SLC25A31: variants seen among roughly 807,000 people sequenced by gnomAD.
SLC25A31 encodes ADP/ATP translocase 4.
Under a neutral mutation model 36.2 loss-of-function variants are expected in SLC25A31, and 40 were observed. The ratio of observed to expected loss-of-function variants is 1.10; its 90% confidence interval spans 0.86 to 1.44. The LOEUF (loss-of-function observed/expected upper bound fraction) is 1.44. SLC25A31 is among the 40% of genes most tolerant of loss of function. SLC25A31 has a pLI of 0.00. For missense variants in SLC25A31, 350 were observed against 397.1 expected, an observed-to-expected ratio of 0.88 and a Z score of 1.01; for synonymous variants, 143 against 149.7, an observed-to-expected ratio of 0.96 and a Z score of 0.32.
chr4:127,754,445 G>A (rs1731992456), intron 2 of SLC25A31, among the ~76,000 whole-genome samples: 1 of 151,314 alleles, frequency 6.6e-6, no homozygotes, highest in African/African-American at 2.4e-5. Flanking sequence ...AAAGTCACAG[G>A]ATACAAAATT....
chr4:127,771,768 C>T (rs1732366876), intron 5 of SLC25A31, among the ~76,000 whole-genome samples: 1 of 152,168 alleles, frequency 6.6e-6, no homozygotes, highest in African/African-American at 2.4e-5. Flanking sequence ...CATGTAATGA[C>T]AGTTCCTTTC....
At chr4:127,742,325 C>G (rs978151065) in intron 1 of SLC25A31, among the ~76,000 whole-genome samples, 1 of 152,254 alleles carries the variant, frequency 6.6e-6, no homozygotes, top group Non-Finnish European at 1.5e-5. Context: ...CAGATAGTAT[C>G]GAGGAACTGA....
At position 127,764,342 on chromosome 4, in the gene SLC25A31, G is replaced by A. The variant is rs1186144689; in HGVS notation, c.460G>A (p.Gly154Ser). Reference protein sequence around the residue: ...YPLDFARTRLGVDIGKGPEER... With the variant: ...YPLDFARTRLSVDIGKGPEER... Reference sequence around the variant, plus strand: ...TCTAGATTTTGCCCGAACCCGATTAGGTGTCGATATTGGAAAAGGTATGAG... The same window carrying A: ...TCTAGATTTTGCCCGAACCCGATTAAGTGTCGATATTGGAAAAGGTATGAG... The change falls in exon 3 of 6, where the codon GGT (glycine) becomes AGT (serine). Residue 154 changes from glycine (G) to serine (S), a missense_variant. Coordinates refer to ENST00000281154, the MANE Select transcript of SLC25A31 (RefSeq NM_031291.4). The A allele has an allele frequency of 6.2e-7, 1 of 1,612,878 alleles. No individual in the cohort carries two copies. The highest frequency in any genetic ancestry group is 1.3e-5 in the African/African-American group (1 of 74,848).
At chr4:127,755,253 A>T (rs536078582) in intron 2 of SLC25A31, among the ~76,000 whole-genome samples, 77 of 152,340 alleles carry the variant, frequency 5.1e-4, no homozygotes, top group Non-Finnish European at 9.3e-4. Context: ...GAGCACAAGT[A>T]ATAAAAGCAA....
chr4:127,763,016 T>TA (rs1732172374), intron 2 of SLC25A31, among the ~76,000 whole-genome samples: 1 of 151,706 alleles, frequency 6.6e-6, no homozygotes, highest in African/African-American at 2.4e-5. Flanking sequence ...AAGTGATATT[T>TA]AAAAAATAAG....
chr4:127,761,225 T>G (rs1314967718), intron 2 of SLC25A31, among the ~76,000 whole-genome samples: 4 of 152,200 alleles, frequency 2.6e-5, no homozygotes, highest in Non-Finnish European at 4.4e-5. Context: ...GCTCCCACTT[T>G]CTGTATCAGA....
intron 2 of SLC25A31, among the ~76,000 whole-genome samples, chr4:127,747,806 C>T (rs1414286113): frequency 1.3e-5 from 2 of 152,112 alleles, no homozygotes; most frequent in African/African-American, 4.8e-5. Flanking sequence ...CAAAACTATC[C>T]TCAGGGTCAG....
chr4:127,754,170 A>G (rs72616944), intron 2 of SLC25A31, among the ~76,000 whole-genome samples: 4,615 of 152,260 alleles, frequency 0.03, 300 homozygotes, highest in East Asian at 0.26. Flanking sequence ...AAGATCACAT[A>G]TGATAAGCCC....
Position 127,754,528 on chromosome 4 carries a change from C to G in SLC25A31, c.361-9715C>G, listed in dbSNP as rs939861771. Among the ~76,000 whole-genome samples, 125 of 102,668 alleles carry G rather than the reference C, an allele frequency of 1.2e-3. 1 individual carries two copies. The highest frequency in any genetic ancestry group is 4.1e-3 in the African/African-American group (120 of 29,440). 67.4% of individuals were successfully genotyped at this position (102,668 alleles called of 152,430 possible). A position where few individuals can be genotyped will look rare whatever the true frequency, so the allele number is the denominator to read the frequency against. On this transcript the variant is annotated intron_variant, in intron 2 of 5. Transcript: ENST00000281154. ...TAACAAGAAATAAGAATAACATTTA[C>G]AATAGCTTTAAAAAAAAAAAAACAC...
At chr4:127,738,444 T>A (rs1296071254) in intron 1 of SLC25A31, among the ~76,000 whole-genome samples, 2 of 152,200 alleles carry the variant, frequency 1.3e-5, no homozygotes, top group East Asian at 3.8e-4. Context: ...TGATATTGAC[T>A]TCTGTTTTTA....
At chr4:127,744,057 G>A (rs1731778938) in intron 1 of SLC25A31, among the ~76,000 whole-genome samples, 1 of 152,120 alleles carries the variant, frequency 6.6e-6, no homozygotes, top group African/African-American at 2.4e-5. Flanking sequence ...AATTATATGG[G>A]TTGGTCAATC....
At chr4:127,764,115 G>A in intron 2 of SLC25A31, 128 bp from the exon 3 acceptor site, 1 of 720,534 alleles carries the variant, frequency 1.4e-6, no homozygotes, top group East Asian at 2.7e-5. Context: ...CATTATTATA[G>A]ATGTTTACTT....
chr4:127,747,790 G>C (rs1201849471), intron 2 of SLC25A31, among the ~76,000 whole-genome samples: 1 of 151,842 alleles, frequency 6.6e-6, no homozygotes, highest in Non-Finnish European at 1.5e-5. Flanking sequence ...ACAGCGTCAG[G>C]GTCTCCAAAA....
chr4:127,734,086 T>G (rs1560629814), intron 1 of SLC25A31, among the ~76,000 whole-genome samples: 2 of 152,220 alleles, frequency 1.3e-5, no homozygotes. Context: ...TAAACCTTTA[T>G]TATGCAAATA....
chr4:127,753,960 T>C (rs1035666629), intron 2 of SLC25A31, among the ~76,000 whole-genome samples: 3 of 152,164 alleles, frequency 2.0e-5, no homozygotes, highest in East Asian at 1.9e-4. Context: ...AAAAGGATTA[T>C]TTATTATGAT....
chr4:127,744,433 A>G (rs1033775123), intron 1 of SLC25A31, among the ~76,000 whole-genome samples: 1 of 152,182 alleles, frequency 6.6e-6, no homozygotes, highest in East Asian at 1.9e-4. Flanking sequence ...AACTGATAAC[A>G]CTTTCCGTTT....
At chr4:127,741,157 G>C (rs1487138313) in intron 1 of SLC25A31, among the ~76,000 whole-genome samples, 4 of 152,116 alleles carry the variant, frequency 2.6e-5, no homozygotes, top group South Asian at 2.1e-4. Flanking sequence ...AGGGTTTTCT[G>C]TATGTAAGAT....
chr4:127,749,860 AC>A (rs1299810418), intron 2 of SLC25A31, among the ~76,000 whole-genome samples: 1 of 152,058 alleles, frequency 6.6e-6, no homozygotes, highest in East Asian at 1.9e-4. Flanking sequence ...ATATAGCAAG[AC>A]CCCATGTCTA....
intron 5 of SLC25A31, among the ~76,000 whole-genome samples, chr4:127,771,399 A>AT (rs1732358395): frequency 6.6e-6 from 1 of 152,148 alleles, no homozygotes; most frequent in East Asian, 1.9e-4. Context: ...TCAATATATG[A>AT]TTTTAACAAT....
Sources: allele counts gnomAD v4.1 joint callset (sites outside exome capture counted in the v4.1 genomes callset), GRCh38; gene constraint gnomAD v4.1.1; transcripts MANE v1.5; gene names NCBI Gene and HGNC (gene_info 2026-07-23, HGNC 2026-07-21).